HDX: variants seen among roughly 807,000 people sequenced by gnomAD.
The protein encoded by HDX is highly divergent homeobox.
HDX carries 19 observed loss-of-function variants against 45.2 expected under a neutral mutation model. The ratio of observed to expected loss-of-function variants is 0.42; its 90% CI spans 0.29 to 0.62. The LOEUF (loss-of-function observed/expected upper bound fraction) is 0.62. Among genes scored for constraint, HDX ranks in the 20% least tolerant of loss-of-function variants. The probability of loss-of-function intolerance (pLI) is 0.20; values close to 1 mark genes in which losing one functional copy is unlikely to be tolerated. For missense variants in HDX, 532 were observed against 493.9 expected (o/e 1.08, Z -0.73); for synonymous variants, 188 against 172.8 (o/e 1.09, Z -0.69).
chrX:84,439,366 T>G (rs2039711278), intron 5 of HDX, among the ~76,000 whole-genome samples: 1 of 16,129 alleles, frequency 6.2e-5, no homozygotes. Context: ...TTTTATGCTG[T>G]TCATAATTTT....
rs1320265013 is a variant in HDX at position 84,465,475 on chromosome X, G to A, written c.1251+2997C>T. Among the ~76,000 whole-genome samples the A allele has an allele frequency of 4.4e-5, 5 of 112,536 alleles. No individual in the cohort carries two copies. The East Asian group carries it at 8.3e-4, about 19-fold the overall frequency. On this transcript the variant is annotated intron_variant, in intron 4 of 10. Coordinates refer to ENST00000373177, the MANE Select transcript of HDX (RefSeq NM_001177479.2). ...GAAAATGTGGCACATATGCACCATG[G>A]AATACTATGCAGCCATCAAAAAGGA...
chrX:84,347,671 A>G (rs1437252971), intron 6 of HDX, among the ~76,000 whole-genome samples: 1 of 111,355 alleles, frequency 9.0e-6, no homozygotes, highest in East Asian at 2.9e-4. Context: ...GAAAAAGTCT[A>G]TTTCTCCTTC....
At chrX:84,464,995 T>C (rs1380950164) in intron 4 of HDX, among the ~76,000 whole-genome samples, 1 of 111,010 alleles carries the variant, frequency 9.0e-6, no homozygotes, top group Non-Finnish European at 1.9e-5. Flanking sequence ...AACAACCCCA[T>C]CAAAAAGTGG....
chrX:84,491,992 G>T (rs1341617026), intron 1 of HDX, among the ~76,000 whole-genome samples: 1 of 111,255 alleles, frequency 9.0e-6, no homozygotes, highest in African/African-American at 3.3e-5. Context: ...GATTTCTGAA[G>T]CTCTCTCCAT....
At chrX:84,385,861 G>A (rs1244982864) in intron 5 of HDX, among the ~76,000 whole-genome samples, 1 of 77,536 alleles carries the variant, frequency 1.3e-5, no homozygotes, top group Non-Finnish European at 2.3e-5. Context: ...TTTTTCGCCT[G>A]GTGGCTCTTG....
At chrX:84,473,463 A>G (rs763474978) in intron 3 of HDX, among the ~76,000 whole-genome samples, 15 of 110,441 alleles carry the variant, frequency 1.4e-4, no homozygotes, top group Non-Finnish European at 2.8e-4. Flanking sequence ...GAATTTCTGT[A>G]CAATTTACAT....
chrX:84,393,277 A>G (rs2038484516), intron 5 of HDX, among the ~76,000 whole-genome samples: 1 of 111,595 alleles, frequency 9.0e-6, no homozygotes, highest in Non-Finnish European at 1.9e-5. Context: ...TGAGATGATC[A>G]TATGGCTTTT....
At chrX:84,475,419 C>T in intron 2 of HDX, 22 bp from the exon 3 acceptor site, 1 of 1,018,858 alleles carries the variant, frequency 9.8e-7, no homozygotes, top group Non-Finnish European at 1.3e-6. Flanking sequence ...AGAAGATACT[C>T]TGAAAATTGG....
chrX:84,429,688 T>C (rs1383251427), intron 5 of HDX, among the ~76,000 whole-genome samples: 1 of 110,449 alleles, frequency 9.1e-6, no homozygotes, highest in Non-Finnish European at 1.9e-5. Flanking sequence ...CTGCATTGTC[T>C]AGAACCTCCA....
At chrX:84,489,350 C>A (rs1017046862) in intron 1 of HDX, among the ~76,000 whole-genome samples, 3 of 111,549 alleles carry the variant, frequency 2.7e-5, no homozygotes, top group Non-Finnish European at 5.7e-5. Context: ...AAAACAACTG[C>A]CATCTTTTGC....
At chrX:84,398,280 C>T (rs1414353721) in intron 5 of HDX, among the ~76,000 whole-genome samples, 3 of 110,937 alleles carry the variant, frequency 2.7e-5, no homozygotes, top group Non-Finnish European at 5.7e-5. Flanking sequence ...CATGGAGTGG[C>T]AAATTGGATA....
At chrX:84,443,826 G>T (rs1274587230) in intron 4 of HDX, among the ~76,000 whole-genome samples, 1 of 111,852 alleles carries the variant, frequency 8.9e-6, no homozygotes, top group Non-Finnish European at 1.9e-5. Context: ...GAACATTACT[G>T]AAATAAGTAT....
intron 1 of HDX, chrX:84,500,306 T>C (rs2041091126): frequency 1.2e-5 from 1 of 83,139 alleles, no homozygotes; most frequent in Admixed American, 1.1e-4. Context: ...AATTGTTTTC[T>C]AGGGGAAAAA....
intron 9 of HDX, among the ~76,000 whole-genome samples, chrX:84,328,201 A>AT (rs1396148878): frequency 7.7e-5 from 7 of 91,120 alleles, no homozygotes; most frequent in East Asian, 3.2e-4. Flanking sequence ...TCTACCAAAA[A>AT]AATATATATA....
Position 84,318,810 on chromosome X carries a change from G to T in HDX, c.*3079C>A, listed in dbSNP as rs1018340976. 9.0e-6 allele frequency: 1 copy of T among 110,947 alleles called. No individual in the cohort carries two copies. The highest frequency in any genetic ancestry group is 1.9e-5 in the Non-Finnish European group (1 of 52,524). 9.1% of individuals were successfully genotyped at this position (110,947 alleles called of 1,213,427 possible). A position where few individuals can be genotyped will look rare whatever the true frequency, so the allele number is the denominator to read the frequency against. ...ACAATAACAAACATTTCTATCACAT[G>T]CTTGCAATGGCAATACAAAAATCCT... On this transcript the variant is annotated 3_prime_UTR_variant, in exon 11 of 11. Coordinates refer to ENST00000373177, the MANE Select transcript of HDX (RefSeq NM_001177479.2).
chrX:84,469,830 T>C (rs947114862), intron 3 of HDX, among the ~76,000 whole-genome samples: 25 of 111,674 alleles, frequency 2.2e-4, no homozygotes, highest in Non-Finnish European at 3.8e-5. Context: ...CCCATCCAAC[T>C]AATATGTATC....
chrX:84,329,619 T>G (rs1482794779), intron 9 of HDX, among the ~76,000 whole-genome samples: 1 of 112,402 alleles, frequency 8.9e-6, no homozygotes, highest in Non-Finnish European at 1.9e-5. Context: ...TACACAACTA[T>G]GTCCACCTGT....
In HDX at chrX:84,373,393, T is replaced by G. The variant is rs777887386; in HGVS notation, c.1306-11781A>C. Reference sequence around the variant, plus strand: ...GGTATTTAAAAAAAAGAGGGAATCCTCCCTAACTCATTTTATGAGGCCAGC... The same window carrying G: ...GGTATTTAAAAAAAAGAGGGAATCCGCCCTAACTCATTTTATGAGGCCAGC... On this transcript the variant is annotated intron_variant, in intron 5 of 10. Transcript: ENST00000373177. Among the ~76,000 whole-genome samples, 33 of 110,896 alleles carry G rather than the reference T, an allele frequency of 3.0e-4. No individual in the cohort carries two copies. In the South Asian group the frequency reaches 0.013, roughly 43 times the overall value.
At chrX:84,336,268 T>C (rs917129301) in intron 8 of HDX, among the ~76,000 whole-genome samples, 4 of 111,279 alleles carry the variant, frequency 3.6e-5, no homozygotes, top group African/African-American at 1.3e-4. Flanking sequence ...TTCAAACATT[T>C]AATACTGTCT....
Sources: allele counts gnomAD v4.1 joint callset (sites outside exome capture counted in the v4.1 genomes callset), GRCh38; gene constraint gnomAD v4.1.1; transcripts MANE v1.5; gene names NCBI Gene and HGNC (gene_info 2026-07-23, HGNC 2026-07-21).